ANGPT1: variants seen among roughly 807,000 people sequenced by gnomAD.
ANGPT1 encodes angiopoietin-1.
Under a neutral mutation model 62.2 loss-of-function variants are expected in ANGPT1, and 17 were observed. The observed-to-expected ratio is 0.27, with a 90% confidence interval of 0.19 to 0.41. The LOEUF (loss-of-function observed/expected upper bound fraction) is 0.41. Among genes scored for constraint, ANGPT1 ranks in the 10% least tolerant of loss-of-function variants. The probability of loss-of-function intolerance (pLI) is 1.00; values close to 1 mark genes in which losing one functional copy is unlikely to be tolerated. For synonymous variants in ANGPT1, 199 were observed against 198.9 expected, an observed-to-expected ratio of 1.00 and a Z score of 0.00; for missense variants, 478 against 594.9, an observed-to-expected ratio of 0.80 and a Z score of 2.04.
intron 1 of ANGPT1, among the ~76,000 whole-genome samples, chr8:107,432,663 CAAA>C (rs35833239): frequency 2.3e-5 from 2 of 86,392 alleles, no homozygotes; most frequent in East Asian, 2.6e-4. Context: ...GACTCCATCT[CAAA>C]AAAAAAAAAA....
chr8:107,315,569 C>A (rs1195714976), intron 4 of ANGPT1, among the ~76,000 whole-genome samples: 1 of 152,012 alleles, frequency 6.6e-6, no homozygotes, highest in Non-Finnish European at 1.5e-5. Context: ...TCATAACTGT[C>A]CTTTTTTTTT....
chr8:107,259,505 T>C (rs1813445038), intron 8 of ANGPT1, among the ~76,000 whole-genome samples: 2 of 152,272 alleles, frequency 1.3e-5, no homozygotes. Flanking sequence ...TGTCTACCAG[T>C]TGACATGGTT....
chr8:107,456,934 T>C (rs936186647), intron 1 of ANGPT1, among the ~76,000 whole-genome samples: 1 of 152,100 alleles, frequency 6.6e-6, no homozygotes, highest in Non-Finnish European at 1.5e-5. Flanking sequence ...CTTCCTGCTA[T>C]CTTTCCTAAT....
chr8:107,402,410 A>T (rs1488709929), intron 1 of ANGPT1, among the ~76,000 whole-genome samples: 1 of 152,206 alleles, frequency 6.6e-6, no homozygotes, highest in Non-Finnish European at 1.5e-5. Context: ...AAGATCTCAG[A>T]CTTATTATTC....
At chr8:107,352,760 C>T (rs1815959851) in intron 1 of ANGPT1, among the ~76,000 whole-genome samples, 1 of 152,108 alleles carries the variant, frequency 6.6e-6, no homozygotes, top group Admixed American at 6.6e-5. Context: ...ATTAAATGGA[C>T]CTTCATTGGA....
At chr8:107,281,298 G>C (rs1401633864) in intron 7 of ANGPT1, among the ~76,000 whole-genome samples, 1 of 151,978 alleles carries the variant, frequency 6.6e-6, no homozygotes, top group Non-Finnish European at 1.5e-5. Context: ...GATAGAATAT[G>C]TTTTAGAAAA....
chr8:107,317,782 C>G (rs1335090883), intron 4 of ANGPT1, among the ~76,000 whole-genome samples: 1 of 152,214 alleles, frequency 6.6e-6, no homozygotes, highest in South Asian at 2.1e-4. Flanking sequence ...AGGCATGTGC[C>G]ACCATGCCCA....
chr8:107,295,929 A>T (rs1814403335), intron 5 of ANGPT1, among the ~76,000 whole-genome samples: 1 of 152,106 alleles, frequency 6.6e-6, no homozygotes, highest in South Asian at 2.1e-4. Flanking sequence ...GGATGTAGGT[A>T]TGATGATCAT....
chr8:107,313,356 A>T (rs554274176), intron 4 of ANGPT1, among the ~76,000 whole-genome samples: 1 of 141,500 alleles, frequency 7.1e-6, no homozygotes, highest in African/African-American at 2.6e-5. Context: ...ACTTAAAGTT[A>T]GTTTTCATGT....
chr8:107,294,099 CAT>C (rs751937730), intron 5 of ANGPT1, 62 bp from the exon 6 acceptor site: 1 of 1,361,812 alleles, frequency 7.3e-7, no homozygotes, highest in Non-Finnish European at 1.0e-6. Flanking sequence ...ATATATCCTA[CAT>C]GTTTCAAAAT....
intron 1 of ANGPT1, among the ~76,000 whole-genome samples, chr8:107,361,302 T>G (rs1006639882): frequency 6.6e-6 from 1 of 151,756 alleles, no homozygotes; most frequent in Admixed American, 6.6e-5. Flanking sequence ...TAAAACATGT[T>G]GTACTGTAAA....
intron 1 of ANGPT1, among the ~76,000 whole-genome samples, chr8:107,396,517 C>CTTTTTTTTTTTTTTTTTTTTT (rs10686360): frequency 3.5e-5 from 3 of 84,830 alleles, no homozygotes; most frequent in African/African-American, 4.6e-5. Flanking sequence ...TCTTTTCTCT[C>CTTTTTTTTTTTTTTTTTTTTT]TTTTTTTTTT....
intron 7 of ANGPT1, among the ~76,000 whole-genome samples, chr8:107,274,266 G>A (rs1813807475): frequency 6.6e-6 from 1 of 152,132 alleles, no homozygotes; most frequent in Admixed American, 6.6e-5. Flanking sequence ...TAAAACAACT[G>A]GCATAGTGCC....
At chr8:107,286,788 A>C (rs1814152605) in intron 6 of ANGPT1, among the ~76,000 whole-genome samples, 1 of 152,154 alleles carries the variant, frequency 6.6e-6, no homozygotes, top group Admixed American at 6.6e-5. Flanking sequence ...TCTGTTCCTA[A>C]GATGCTCAAG....
intron 1 of ANGPT1, among the ~76,000 whole-genome samples, chr8:107,416,976 C>G (rs548488895): frequency 4.0e-5 from 6 of 151,760 alleles, no homozygotes; most frequent in Admixed American, 6.6e-5. Flanking sequence ...TTTTTAGTAG[C>G]GACAGGGTTT....
intron 3 of ANGPT1, among the ~76,000 whole-genome samples, chr8:107,327,135 G>A (rs56969075): frequency 2.0e-5 from 3 of 151,982 alleles, no homozygotes; most frequent in African/African-American, 4.8e-5. Context: ...TTGTCAAGTC[G>A]ATTTTTAACA....
intron 5 of ANGPT1, among the ~76,000 whole-genome samples, chr8:107,297,427 T>C (rs193221934): frequency 6.6e-6 from 1 of 152,030 alleles, no homozygotes; most frequent in African/African-American, 2.4e-5. Context: ...TAGAACAGCA[T>C]TTGGCACTTA....
intron 1 of ANGPT1, among the ~76,000 whole-genome samples, chr8:107,351,801 A>G (rs1586247630): frequency 6.6e-6 from 1 of 152,136 alleles, no homozygotes; most frequent in Non-Finnish European, 1.5e-5. Flanking sequence ...ACATAAGTTT[A>G]TTTTGTCTGC....
Position 107,343,497 on chromosome 8 carries a change from C to T in ANGPT1, c.453+3445G>A, listed in dbSNP as rs539958317. On this transcript the variant is annotated intron_variant, in intron 2 of 8. Coordinates refer to ENST00000517746, the MANE Select transcript of ANGPT1 (RefSeq NM_001146.5). ...TCCCTGCCACAATGAGTGGAAGTGA[C>T]TGCTGGAAATTGTGGTCTCTGGACC... is the stretch of plus-strand genomic sequence containing the variant. Among the ~76,000 whole-genome samples the T allele has an allele frequency of 2.0e-5, 3 of 152,272 alleles. No individual in the cohort carries two copies. The South Asian group carries it at 6.2e-4, about 32-fold the overall frequency.
Sources: gnomAD v4.1 joint callset for allele counts (sites outside exome capture counted in the v4.1 genomes callset) on GRCh38, gnomAD v4.1.1 for gene constraint, MANE v1.5 for transcripts, NCBI Gene and HGNC (gene_info 2026-07-23, HGNC 2026-07-21) for gene names.